The following PCDH9 variants were observed in gnomAD, a reference collection of about 807,000 sequenced individuals.
PCDH9 encodes protocadherin-9.
PCDH9 carries 24 observed loss-of-function variants against 70.6 expected under a neutral mutation model. The ratio of observed to expected loss-of-function variants is 0.34; its 90% CI spans 0.25 to 0.48. The LOEUF (loss-of-function observed/expected upper bound fraction) is 0.48, where lower values mean the gene tolerates loss of function less well. Ranked by LOEUF, PCDH9 falls within the 20% of genes least tolerant of loss-of-function variation. PCDH9 has a pLI of 0.99. For synonymous variants in PCDH9, 562 were observed against 558.5 expected, an observed-to-expected ratio of 1.01 and a Z score of -0.09; for missense variants, 1,281 against 1,503.6, an observed-to-expected ratio of 0.85 and a Z score of 2.45.
intron 2 of PCDH9, among the ~76,000 whole-genome samples, chr13:67,131,667 G>A (rs969753216): frequency 3.9e-5 from 6 of 152,086 alleles, no homozygotes; most frequent in Non-Finnish European, 7.4e-5. Context: ...AAAATTCAGA[G>A]AATGTTTAGT....
At chr13:66,311,048 G>C (rs1290567842) in intron 4 of PCDH9, among the ~76,000 whole-genome samples, 2 of 151,992 alleles carry the variant, frequency 1.3e-5, no homozygotes, top group Non-Finnish European at 2.9e-5. Context: ...CCACTGATTT[G>C]GATTTGCTAA....
intron 4 of PCDH9, among the ~76,000 whole-genome samples, chr13:66,606,843 T>C (rs1452347408): frequency 6.6e-6 from 1 of 152,096 alleles, no homozygotes; most frequent in African/African-American, 2.4e-5. Context: ...CATCTAAACA[T>C]TGCATAAGCA....
chr13:66,726,470 T>C lies in PCDH9; in HGVS notation c.3139-95059A>G, dbSNP rs184195373. 3.4e-4 allele frequency among the ~76,000 whole-genome samples: 51 copies of C among 151,568 alleles called. 1 individual carries two copies. The highest frequency in any genetic ancestry group is 6.8e-3 in the Middle Eastern group (2 of 294). ...AGTGAATCTGTTTAAAGCATAACAT[T>C]AGAGTGAGAAGATCCAAGAATGCAC... On this transcript the variant is annotated intron_variant, in intron 3 of 4. Transcript: ENST00000377865.
At chr13:67,124,062 T>G (rs991421502) in intron 2 of PCDH9, among the ~76,000 whole-genome samples, 8 of 152,120 alleles carry the variant, frequency 5.3e-5, no homozygotes, top group African/African-American at 7.2e-5. Flanking sequence ...ACAATTATTT[T>G]GAATCATAAG....
At chr13:66,613,479 AG>A (rs1227814801) in intron 4 of PCDH9, among the ~76,000 whole-genome samples, 1 of 152,094 alleles carries the variant, frequency 6.6e-6, no homozygotes, top group Non-Finnish European at 1.5e-5. Flanking sequence ...TTTAATTGTG[AG>A]AAAGGATTTG....
chr13:66,832,584 G>A (rs1019609822), intron 3 of PCDH9, among the ~76,000 whole-genome samples: 5 of 152,016 alleles, frequency 3.3e-5, no homozygotes, highest in Middle Eastern at 3.4e-3. Context: ...ATGAGTAATC[G>A]TTATCCATTT....
chr13:66,408,168 C>T (rs192336856), intron 4 of PCDH9, among the ~76,000 whole-genome samples: 2,026 of 151,708 alleles, frequency 0.013, 25 homozygotes, highest in East Asian at 0.078. Flanking sequence ...ACGCCATTCT[C>T]CTGCCTCAGC....
chr13:66,375,086 G>T (rs981260722), intron 4 of PCDH9, among the ~76,000 whole-genome samples: 1 of 151,968 alleles, frequency 6.6e-6, no homozygotes, highest in African/African-American at 2.4e-5. Flanking sequence ...TTAAAATATC[G>T]AATATGCTAC....
intron 4 of PCDH9, among the ~76,000 whole-genome samples, chr13:66,323,962 C>T (rs984025794): frequency 2.0e-5 from 3 of 152,072 alleles, no homozygotes; most frequent in African/African-American, 4.8e-5. Flanking sequence ...ACTTTCTTGG[C>T]TCAGCAAATA....
At chr13:66,789,662 C>G (rs1423364374) in intron 3 of PCDH9, among the ~76,000 whole-genome samples, 1 of 152,130 alleles carries the variant, frequency 6.6e-6, no homozygotes, top group African/African-American at 2.4e-5. Flanking sequence ...GCAACTTCCT[C>G]TCAGCACTGT....
chr13:66,413,787 T>C (rs1215269271), intron 4 of PCDH9, among the ~76,000 whole-genome samples: 1 of 152,082 alleles, frequency 6.6e-6, no homozygotes, highest in Non-Finnish European at 1.5e-5. Context: ...TGAGCTATAA[T>C]AAATTGAAGA....
intron 3 of PCDH9, among the ~76,000 whole-genome samples, chr13:66,818,329 A>T (rs2080645230): frequency 6.6e-6 from 1 of 152,178 alleles, no homozygotes; most frequent in Non-Finnish European, 1.5e-5. Flanking sequence ...GTGGTGTTTA[A>T]GTTATTCTGT....
intron 4 of PCDH9, among the ~76,000 whole-genome samples, chr13:66,479,733 A>G (rs552720333): frequency 2.8e-4 from 43 of 152,312 alleles, no homozygotes; most frequent in African/African-American, 7.7e-4. Flanking sequence ...AGCACTCTGT[A>G]AAAATGTGCC....
intron 4 of PCDH9, among the ~76,000 whole-genome samples, chr13:66,307,023 T>A (rs1955480457): frequency 6.6e-6 from 1 of 152,026 alleles, no homozygotes; most frequent in Admixed American, 6.6e-5. Context: ...ACTGACCTCT[T>A]CAAGGGTCAG....
chr13:67,210,933 C>A (rs1669676758), intron 2 of PCDH9: 1 of 151,848 alleles, frequency 6.6e-6, no homozygotes, highest in Admixed American at 6.6e-5. Flanking sequence ...GGTGAGAATG[C>A]CACATTTTTG....
intron 3 of PCDH9, among the ~76,000 whole-genome samples, chr13:66,803,889 G>A (rs2080367272): frequency 2.0e-5 from 3 of 152,156 alleles, no homozygotes; most frequent in Admixed American, 1.3e-4. Flanking sequence ...CTTTCCAACT[G>A]ACTGAGACAG....
chr13:66,420,936 AT>A lies in PCDH9; in HGVS notation c.3341-115909del, dbSNP rs1197185203. Among the ~76,000 whole-genome samples the A allele has an allele frequency of 2.0e-5, 3 of 152,124 alleles. No individual in the cohort carries two copies. The East Asian group carries it at 5.8e-4, about 29-fold the overall frequency. ...CAATGCAAGGAAGCTAAGAACCTTGATAAAAGATTAGAGGAATTGCTAACCA... is the reference window on the plus strand; with the variant it reads ...CAATGCAAGGAAGCTAAGAACCTTGAAAAAGATTAGAGGAATTGCTAACCA... On this transcript the variant is annotated intron_variant, in intron 4 of 4. Transcript: ENST00000377865.
chr13:66,424,687 T>C (rs755605101), intron 4 of PCDH9, among the ~76,000 whole-genome samples: 1 of 151,960 alleles, frequency 6.6e-6, no homozygotes, highest in Non-Finnish European at 1.5e-5. Flanking sequence ...AAGATTTATA[T>C]TACCAGAACA....
At chr13:66,409,302 T>A (rs1040827656) in intron 4 of PCDH9, among the ~76,000 whole-genome samples, 1 of 152,212 alleles carries the variant, frequency 6.6e-6, no homozygotes, top group African/African-American at 2.4e-5. Context: ...CATTTAAACA[T>A]GATTTCTGTA....
Sources: gnomAD v4.1 joint callset for allele counts (sites outside exome capture counted in the v4.1 genomes callset) on GRCh38, gnomAD v4.1.1 for gene constraint, MANE v1.5 for transcripts, NCBI Gene and HGNC (gene_info 2026-07-23, HGNC 2026-07-21) for gene names.